ITGBL1: variants seen among roughly 807,000 people sequenced by gnomAD.
ITGBL1 encodes the protein integrin beta-like protein 1.
A neutral mutation model predicts 68.5 loss-of-function variants in ITGBL1; 51 were observed. The observed-to-expected ratio is 0.74, with a 90% CI of 0.59 to 0.94. The LOEUF (loss-of-function observed/expected upper bound fraction) is 0.94, where lower values mean the gene tolerates loss of function less well. Among genes scored for constraint, ITGBL1 ranks in the 40% least tolerant of loss-of-function variants. ITGBL1 has a pLI of 0.00. For synonymous variants in ITGBL1, 209 were observed against 227.3 expected, an observed-to-expected ratio of 0.92 and a Z score of 0.72; for missense variants, 649 against 647.4, an observed-to-expected ratio of 1.00 and a Z score of -0.03.
chr13:101,651,768 T>A (rs373030652), intron 7 of ITGBL1, among the ~76,000 whole-genome samples: 29,728 of 152,034 alleles, frequency 0.2, 2,972 homozygotes, highest in East Asian at 0.25. Context: ...TAAATGGTAT[T>A]ACCTAGATTT....
chr13:101,648,278 T>G (rs1486312558), intron 7 of ITGBL1, among the ~76,000 whole-genome samples: 1 of 152,180 alleles, frequency 6.6e-6, no homozygotes, highest in Non-Finnish European at 1.5e-5. Context: ...AGACAGATAT[T>G]GGAATTATCA....
At chr13:101,620,649 T>C (rs557511126) in intron 7 of ITGBL1, among the ~76,000 whole-genome samples, 15 of 152,242 alleles carry the variant, frequency 9.9e-5, no homozygotes, top group African/African-American at 3.6e-4. Flanking sequence ...TGGCTGAATC[T>C]CAGAAGTACC....
At chr13:101,490,747 A>G (rs1489726967) in intron 2 of ITGBL1, among the ~76,000 whole-genome samples, 1 of 152,236 alleles carries the variant, frequency 6.6e-6, no homozygotes, top group Non-Finnish European at 1.5e-5. Flanking sequence ...AGGCAAAGCC[A>G]CATGCAGTAG....
At chr13:101,570,301 T>C (rs2050251741) in intron 3 of ITGBL1, among the ~76,000 whole-genome samples, 1 of 152,118 alleles carries the variant, frequency 6.6e-6, no homozygotes, top group South Asian at 2.1e-4. Context: ...CATGCCTGCC[T>C]TTTGTTTTTG....
At chr13:101,489,468 A>G (rs958838627) in intron 2 of ITGBL1, among the ~76,000 whole-genome samples, 2 of 152,308 alleles carry the variant, frequency 1.3e-5, no homozygotes, top group Admixed American at 6.5e-5. Context: ...TTCCTCGTCT[A>G]TTAATACATG....
At chr13:101,593,645 T>G (rs1338842555) in intron 6 of ITGBL1, among the ~76,000 whole-genome samples, 1 of 152,146 alleles carries the variant, frequency 6.6e-6, no homozygotes, top group Non-Finnish European at 1.5e-5. Context: ...GTCATCATGT[T>G]AGGTTAAATA....
At chr13:101,577,588 T>C (rs1253404376) in intron 4 of ITGBL1, among the ~76,000 whole-genome samples, 1 of 152,208 alleles carries the variant, frequency 6.6e-6, no homozygotes, top group African/African-American at 2.4e-5. Context: ...ATATAGATTT[T>C]CTATCATTTA....
chr13:101,679,419 G>A (rs1162427394), intron 7 of ITGBL1, among the ~76,000 whole-genome samples: 4 of 152,148 alleles, frequency 2.6e-5, no homozygotes, highest in African/African-American at 9.7e-5. Context: ...TAGGACTTAT[G>A]TATTCAGAAA....
intron 2 of ITGBL1, among the ~76,000 whole-genome samples, chr13:101,495,842 G>A (rs1028255048): frequency 6.6e-5 from 10 of 151,990 alleles, no homozygotes; most frequent in Non-Finnish European, 1.2e-4. Context: ...TGACATAACT[G>A]GTATAGCTTT....
At chr13:101,670,227 A>G (rs1025207167) in intron 7 of ITGBL1, among the ~76,000 whole-genome samples, 4 of 152,304 alleles carry the variant, frequency 2.6e-5, no homozygotes, top group East Asian at 1.9e-4. Context: ...GTTTACTTCT[A>G]TGATATGAAG....
Position 101,509,553 on chromosome 13 carries a change from T to C in ITGBL1, c.316+55453T>C, listed in dbSNP as rs193098316. Among the ~76,000 whole-genome samples, 23 of 152,294 alleles carry C rather than the reference T, an allele frequency of 1.5e-4. No individual in the cohort carries two copies. In the East Asian group the frequency reaches 4.4e-3, roughly 29 times the overall value. Reference sequence around the variant, plus strand: ...GACCCGGTTTACTTAGCACATGTTGTGATTGTTTCAATATTAACCGATATT... The same window carrying C: ...GACCCGGTTTACTTAGCACATGTTGCGATTGTTTCAATATTAACCGATATT... On this transcript the variant is annotated intron_variant, in intron 2 of 10. Coordinates refer to ENST00000376180, the MANE Select transcript of ITGBL1 (RefSeq NM_004791.3).
intron 7 of ITGBL1, among the ~76,000 whole-genome samples, chr13:101,646,694 AT>A (rs1364798852): frequency 6.6e-6 from 1 of 152,158 alleles, no homozygotes; most frequent in East Asian, 1.9e-4. Context: ...AATTTCTAAT[AT>A]TGGAAAAAAG....
At chr13:101,463,794 T>A (rs576744522) in intron 2 of ITGBL1, among the ~76,000 whole-genome samples, 8 of 152,170 alleles carry the variant, frequency 5.3e-5, no homozygotes, top group Admixed American at 2.0e-4. Context: ...AACTCACATA[T>A]TTTTAAAAAT....
chr13:101,514,955 G>A (rs539802030), intron 2 of ITGBL1, among the ~76,000 whole-genome samples: 1 of 151,976 alleles, frequency 6.6e-6, no homozygotes, highest in East Asian at 1.9e-4. Flanking sequence ...AATACAAAGT[G>A]CAACTAACAT....
chr13:101,467,835 T>G (rs894004204), intron 2 of ITGBL1, among the ~76,000 whole-genome samples: 3 of 152,138 alleles, frequency 2.0e-5, no homozygotes, highest in Non-Finnish European at 4.4e-5. Context: ...TAGTTTCCTG[T>G]TCTGTTATTT....
At chr13:101,618,806 A>G (rs576640154) in intron 7 of ITGBL1, among the ~76,000 whole-genome samples, 12 of 152,322 alleles carry the variant, frequency 7.9e-5, no homozygotes, top group African/African-American at 2.9e-4. Context: ...TAGTTTTACT[A>G]TGCTCTGACC....
intron 7 of ITGBL1, among the ~76,000 whole-genome samples, chr13:101,690,612 A>G (rs2033862327): frequency 6.6e-6 from 1 of 152,118 alleles, no homozygotes; most frequent in Non-Finnish European, 1.5e-5. Flanking sequence ...TCATTTGCAC[A>G]TCCACCCATG....
chr13:101,661,604 A>G (rs760351062), intron 7 of ITGBL1, among the ~76,000 whole-genome samples: 9 of 152,224 alleles, frequency 5.9e-5, no homozygotes, highest in Non-Finnish European at 1.2e-4. Context: ...TTGGTATAAT[A>G]GATTATTTGG....
At chr13:101,502,245 A>G (rs1223159656) in intron 2 of ITGBL1, among the ~76,000 whole-genome samples, 2 of 152,220 alleles carry the variant, frequency 1.3e-5, no homozygotes, top group Non-Finnish European at 2.9e-5. Context: ...CACATTAAGG[A>G]AACCACATAG....
Sources: gnomAD v4.1 joint callset for allele counts (sites outside exome capture counted in the v4.1 genomes callset) on GRCh38, gnomAD v4.1.1 for gene constraint, MANE v1.5 for transcripts, NCBI Gene and HGNC (gene_info 2026-07-23, HGNC 2026-07-21) for gene names.